KCNQ5: variants seen among roughly 807,000 people sequenced by gnomAD.
KCNQ5 encodes potassium voltage-gated channel subfamily Q member 5.
KCNQ5 carries 30 observed loss-of-function variants against 98.2 expected under a neutral mutation model. That is an observed-to-expected ratio of 0.31 (90% CI 0.23 to 0.41). KCNQ5 has a LOEUF of 0.41. Among genes scored for constraint, KCNQ5 ranks in the 10% least tolerant of loss-of-function variants. The pLI is 1.00. For missense variants in KCNQ5, 835 were observed against 1,182.5 expected (o/e 0.71, Z 4.31); for synonymous variants, 458 against 449.4 (o/e 1.02, Z -0.24).
intron 1 of KCNQ5, among the ~76,000 whole-genome samples, chr6:72,726,208 ATTTTT>A (rs371004096): frequency 1.4e-5 from 2 of 141,992 alleles, no homozygotes; most frequent in Non-Finnish European, 3.1e-5. Context: ...TTAAATTTAA[ATTTTT>A]TTTTTTTTTT....
chr6:72,809,074 G>A (rs979828830), intron 1 of KCNQ5, among the ~76,000 whole-genome samples: 1 of 151,732 alleles, frequency 6.6e-6, no homozygotes, highest in Admixed American at 6.6e-5. Context: ...AAAAAATGAT[G>A]AGTTCATGTC....
chr6:73,111,175 A>G, intron 6 of KCNQ5, 133 bp from the exon 7 acceptor site: 1 of 656,144 alleles, frequency 1.5e-6, no homozygotes, highest in Admixed American at 2.9e-5. Flanking sequence ...GCTTATTTTA[A>G]TAAGTAACAT....
intron 2 of KCNQ5, among the ~76,000 whole-genome samples, chr6:73,030,549 A>G (rs773720454): frequency 6.6e-6 from 1 of 152,238 alleles, no homozygotes; most frequent in Non-Finnish European, 1.5e-5. Flanking sequence ...AATCTTAGGT[A>G]ATAAAATGCA....
rs148249295 is a variant in KCNQ5 at position 73,134,010 on chromosome 6, GTGCT to G, written c.1468+374_1468+377del. 6.7e-3 allele frequency: 3,182 copies of G among 477,512 alleles called. 90 individuals carry two copies. The highest frequency in any genetic ancestry group is 0.057 in the African/African-American group (2,896 of 50,482). 29.6% of individuals were successfully genotyped at this position (477,512 alleles called of 1,614,324 possible). A position where few individuals can be genotyped will look rare whatever the true frequency, so the allele number is the denominator to read the frequency against. Reference sequence around the variant, plus strand: ...AGGTCCAAGACCCAGGGACAACCAGGTGCTTGCTCTGTGAATATCTTGAAACACA... The same window carrying G: ...AGGTCCAAGACCCAGGGACAACCAGGTGCTCTGTGAATATCTTGAAACACA... On this transcript the variant is annotated intron_variant, in intron 10 of 13. Transcript: ENST00000370398.
chr6:72,860,157 G>T (rs1271001582), intron 1 of KCNQ5, among the ~76,000 whole-genome samples: 1 of 152,140 alleles, frequency 6.6e-6, no homozygotes, highest in Non-Finnish European at 1.5e-5. Flanking sequence ...AAATACAAAT[G>T]ATGTGAGGCT....
intron 1 of KCNQ5, among the ~76,000 whole-genome samples, chr6:72,668,255 A>G (rs1303695501): frequency 6.6e-6 from 1 of 152,240 alleles, no homozygotes; most frequent in African/African-American, 2.4e-5. Flanking sequence ...AGGAAAGTTG[A>G]CAGCCCAAAT....
chr6:73,003,104 T>G (rs1016781907), intron 1 of KCNQ5, among the ~76,000 whole-genome samples: 2 of 152,162 alleles, frequency 1.3e-5, no homozygotes, highest in African/African-American at 4.8e-5. Context: ...TAACTTCAAC[T>G]TTGAAACAGA....
Position 72,982,407 on chromosome 6 carries a change from A to G in KCNQ5, c.399-21501A>G, listed in dbSNP as rs1240587107. Among the ~76,000 whole-genome samples the G allele has an allele frequency of 2.6e-5, 4 of 151,382 alleles. No homozygotes were observed. In the East Asian group the frequency reaches 7.7e-4, roughly 29 times the overall value. ...TGAATTGATCCCTTTACCATTATGT[A>G]ATGGCCTTGTGTTCTTTGTCTCTTT... On this transcript the variant is annotated intron_variant, in intron 1 of 13. Transcript: ENST00000370398.
chr6:73,032,763 G>C (rs1771208057), intron 2 of KCNQ5, among the ~76,000 whole-genome samples: 1 of 152,018 alleles, frequency 6.6e-6, no homozygotes. Context: ...ATTTGGGCAT[G>C]CAGACACACC....
chr6:72,897,099 C>G (rs182178368), intron 1 of KCNQ5, among the ~76,000 whole-genome samples: 2 of 151,548 alleles, frequency 1.3e-5, no homozygotes, highest in African/African-American at 4.9e-5. Context: ...ATTTGGGTAA[C>G]GATGGGAAGA....
chr6:72,688,817 G>A (rs1768075501), intron 1 of KCNQ5, among the ~76,000 whole-genome samples: 1 of 152,146 alleles, frequency 6.6e-6, no homozygotes, highest in Admixed American at 6.5e-5. Flanking sequence ...ATGATTGCAA[G>A]AAAAGTGAGT....
chr6:73,107,704 C>G (rs1775061363), intron 6 of KCNQ5, among the ~76,000 whole-genome samples: 1 of 152,126 alleles, frequency 6.6e-6, no homozygotes, highest in Admixed American at 6.5e-5. Flanking sequence ...AGTAGTCATT[C>G]TTGGAAATGT....
chr6:72,660,587 G>A (rs1009969471), intron 1 of KCNQ5, among the ~76,000 whole-genome samples: 22 of 152,094 alleles, frequency 1.4e-4, no homozygotes, highest in Non-Finnish European at 2.6e-4. Flanking sequence ...TGACATTGAT[G>A]GTCCCAGCAG....
At chr6:72,703,913 A>T (rs1768947558) in intron 1 of KCNQ5, among the ~76,000 whole-genome samples, 1 of 152,146 alleles carries the variant, frequency 6.6e-6, no homozygotes, top group African/African-American at 2.4e-5. Context: ...AGAAAGGGAA[A>T]ATTCATTAAA....
In KCNQ5 at chr6:72,622,103, T is replaced by G; in HGVS notation, c.-87T>G. The G allele has an allele frequency of 2.6e-6, 3 of 1,141,412 alleles. No individual in the cohort carries two copies. Among genetic ancestry groups the G allele is most frequent in the Non-Finnish European group, 3.3e-6 (3 of 913,834 alleles). 70.7% of individuals were successfully genotyped at this position (1,141,412 alleles called of 1,614,324 possible). A position where few individuals can be genotyped will look rare whatever the true frequency, so the allele number is the denominator to read the frequency against. ...GGCGGGCGCCCCGTCGGCCGCCGGC[T>G]TCCTCCTTGAAACCCGCCGGCGCAC... On this transcript the variant is annotated 5_prime_UTR_variant, in exon 1 of 14. Coordinates refer to ENST00000370398, the MANE Select transcript of KCNQ5 (RefSeq NM_019842.4). The surrounding 1 kb of genome is among the most constrained non-coding windows in gnomAD (Gnocchi z 6.0).
chr6:73,173,030 T>C (rs1483014588), intron 11 of KCNQ5, among the ~76,000 whole-genome samples: 2 of 152,208 alleles, frequency 1.3e-5, no homozygotes, highest in Non-Finnish European at 2.9e-5. Flanking sequence ...TGGATTCTAT[T>C]ATCCAAATGC....
At chr6:72,749,026 A>T (rs1771545940) in intron 1 of KCNQ5, among the ~76,000 whole-genome samples, 1 of 152,110 alleles carries the variant, frequency 6.6e-6, no homozygotes, top group Admixed American at 6.6e-5. Context: ...TTTGCCCATG[A>T]CTCAACTTTC....
chr6:72,906,991 T>G (rs1001171171), intron 1 of KCNQ5, among the ~76,000 whole-genome samples: 2 of 152,240 alleles, frequency 1.3e-5, no homozygotes, highest in African/African-American at 4.8e-5. Context: ...GGTCATGTTT[T>G]TCTTAAAGAT....
chr6:73,092,079 A>AT (rs143770712), intron 5 of KCNQ5, among the ~76,000 whole-genome samples: 1,788 of 138,984 alleles, frequency 0.013, 8 homozygotes, highest in Middle Eastern at 0.024. Flanking sequence ...AGTTTTGTGG[A>AT]TTTTTTTTTT....
Sources: allele counts gnomAD v4.1 joint callset (sites outside exome capture counted in the v4.1 genomes callset), GRCh38; gene constraint gnomAD v4.1.1; non-coding constraint Gnocchi (gnomAD v3.1); transcripts MANE v1.5; gene names NCBI Gene and HGNC (gene_info 2026-07-23, HGNC 2026-07-21).